Variants in DEAF1 observed in about 807,000 individuals in gnomAD.
DEAF1 encodes DEAF1 transcription factor.
In DEAF1, 53 loss-of-function variants were observed where a neutral mutation model predicts 58.9. The observed-to-expected ratio is 0.90, with a 90% confidence interval of 0.72 to 1.13. DEAF1 has a LOEUF of 1.13. DEAF1 is among the 50% of genes most tolerant of loss of function. The probability of loss-of-function intolerance (pLI) is 0.00; values close to 1 mark genes in which losing one functional copy is unlikely to be tolerated. For missense variants in DEAF1, 685 were observed against 791.4 expected, an observed-to-expected ratio of 0.87 and a Z score of 1.61; for synonymous variants, 385 against 340.4, an observed-to-expected ratio of 1.13 and a Z score of -1.44.
upstream of DEAF1, chr11:699,930 G>T: frequency 1.8e-6 from 1 of 554,640 alleles, no homozygotes; most frequent in East Asian, 3.1e-5. Context: ...CATGGAGGGG[G>T]GTCCCACAAA....
chr11:681,482 C>T (rs1294048226), intron 6 of DEAF1, among the ~76,000 whole-genome samples: 3 of 151,332 alleles, frequency 2.0e-5, no homozygotes, highest in Non-Finnish European at 4.4e-5. Flanking sequence ...ACAATCTGGG[C>T]TCACTGCAAG....
At chr11:686,707 A>G in intron 5 of DEAF1, 151 bp downstream of exon 5, 1 of 1,006,670 alleles carries the variant, frequency 9.9e-7, no homozygotes, top group Non-Finnish European at 1.5e-6. Context: ...GAGAGGGTAA[A>G]TCACTCGCCC....
At chr11:693,579 G>C (rs913678671) in intron 1 of DEAF1, 1 of 152,350 alleles carries the variant, frequency 6.6e-6, no homozygotes, top group African/African-American at 2.4e-5. Context: ...CTCCTCCCAA[G>C]GGTCTCAACA....
intron 10 of DEAF1, among the ~76,000 whole-genome samples, chr11:672,229 G>A (rs549057764): frequency 2.6e-5 from 4 of 151,952 alleles, no homozygotes; most frequent in Admixed American, 2.0e-4. Flanking sequence ...CCCTAACATC[G>A]AATACGACCT....
Position 644,649 on chromosome 11 carries a change from C to T in DEAF1, c.1599G>A (p.Trp533Ter), listed in dbSNP as rs762781481. ...YCSTFCQRKD[W>*]KDHQHICGQS... Reference sequence around the variant, plus strand: ...GGCCGCATATGTGCTGGTGATCCTTCCAGTCCTGGAAGGGAGGACACACCC... The same window carrying T: ...GGCCGCATATGTGCTGGTGATCCTTTCAGTCCTGGAAGGGAGGACACACCC... Residue 533 changes from tryptophan to a stop codon, truncating the protein, a stop_gained, in exon 12 of 12, where the codon TGG becomes TGA. Coordinates refer to ENST00000382409, the MANE Select transcript of DEAF1 (RefSeq NM_021008.4). LOFTEE classifies it high-confidence loss of function. The surrounding 1 kb of genome is among the most constrained non-coding windows in gnomAD (Gnocchi z 4.3). 6.2e-7 allele frequency: 1 copy of T among 1,609,544 alleles called. No homozygotes were observed. The highest frequency in any genetic ancestry group is 8.5e-7 in the Non-Finnish European group (1 of 1,178,896).
chr11:682,109 CCT>C (rs1416897399), intron 6 of DEAF1, among the ~76,000 whole-genome samples: 1 of 152,168 alleles, frequency 6.6e-6, no homozygotes, highest in African/African-American at 2.4e-5. Flanking sequence ...GGCTGCTGCT[CCT>C]CTGAGGGCTC....
chr11:655,384 C>T (rs958223753), intron 10 of DEAF1, among the ~76,000 whole-genome samples: 3 of 152,254 alleles, frequency 2.0e-5, no homozygotes, highest in Admixed American at 2.0e-4. Flanking sequence ...GCGCATAGGT[C>T]AACATGCTGT....
At chr11:663,563 G>A (rs1256702027) in intron 10 of DEAF1, among the ~76,000 whole-genome samples, 2 of 144,886 alleles carry the variant, frequency 1.4e-5, no homozygotes, top group African/African-American at 2.6e-5. Flanking sequence ...TCCTCAAATC[G>A]CCTCAGCAAC....
chr11:678,625 A>C lies in DEAF1; in HGVS notation c.1255+69T>G. The C allele has an allele frequency of 3.1e-6, 5 of 1,606,006 alleles. No individual in the cohort carries two copies. In the South Asian group the frequency reaches 5.5e-5, roughly 18 times the overall value. The stretch of plus-strand genomic sequence containing the variant: ...AACCAAAATGAATCCCATTTCACTT[A>C]GGAATTCTTTCATTGGAAGCAATTC... On this transcript the variant is annotated intron_variant, in intron 9 of 11. Transcript: ENST00000382409.
In DEAF1 at chr11:674,669, T is replaced by G; in HGVS notation, c.1370A>C (p.Glu457Ala). 9 of 1,614,096 alleles carry G rather than the reference T, an allele frequency of 5.6e-6. No homozygotes were observed. The highest frequency in any genetic ancestry group is 7.6e-6 in the Non-Finnish European group (9 of 1,180,042). The change falls in exon 10 of 12, where the codon GAA becomes GCA. Residue 457 changes from glutamate to alanine, a missense_variant. Coordinates refer to ENST00000382409, the MANE Select transcript of DEAF1 (RefSeq NM_021008.4). The stretch of plus-strand genomic sequence containing the variant: ...GTTGAGCAAGGAGTTGACCATCTCT[T>G]CTAGGTACAGCCAGCTCCGCGGCTC... The part of the protein sequence containing the change: ...LSEPRSWLYL[E>A]EMVNSLLNTA...
At position 688,038 on chromosome 11, in the gene DEAF1, G is replaced by C. The variant is rs1469831381; in HGVS notation, c.537C>G (p.Thr179=). ...CTTTTTCTTGGCCGGGAGCCAGAGGGGTTGGAGGAGACTGAGGACCTTGGG... is the reference window on the plus strand; with the variant it reads ...CTTTTTCTTGGCCGGGAGCCAGAGGCGTTGGAGGAGACTGAGGACCTTGGG... The part of the protein sequence containing the change: ...PLTPGPQSPP[T]PLAPGQEKGG... The change falls in exon 4 of 12, where the codon ACC becomes ACG. Residue 179 remains threonine (T), a synonymous_variant. Transcript: ENST00000382409. This position sits in a 1 kb window ranked among gnomAD's most constrained non-coding sequence, Gnocchi z 4.3. 9.9e-6 allele frequency: 16 copies of C among 1,613,932 alleles called. No homozygotes were observed. Among genetic ancestry groups the C allele is most frequent in the Non-Finnish European group, 1.4e-5 (16 of 1,180,036 alleles).
chr11:647,502 ATAAG>A (rs1459390676), intron 11 of DEAF1, among the ~76,000 whole-genome samples: 1 of 152,136 alleles, frequency 6.6e-6, no homozygotes, highest in African/African-American at 2.4e-5. Context: ...AAAACCAAAA[ATAAG>A]TAATGAAATA....
rs571666582 is a variant in DEAF1, at chr11:703,345, GTGT to G, written c.-438+3224_-438+3226del. Reference sequence around the variant, plus strand: ...GCAGAACAAACTGCTGGAGGCCCTGGTGTTGGGAACAGCTGCGGGGAGGGTAGG... The same window carrying G: ...GCAGAACAAACTGCTGGAGGCCCTGGTGGGAACAGCTGCGGGGAGGGTAGG... On this transcript the variant is annotated intron_variant, in intron 1 of 11. Coordinates refer to the DEAF1 transcript ENST00000683307. 1.4e-4 allele frequency: 195 copies of G among 1,399,426 alleles called. 2 individuals carry two copies. The South Asian group carries it at 3.3e-3, about 23-fold the overall frequency. 86.7% of individuals were successfully genotyped at this position (1,399,426 alleles called of 1,614,324 possible).
chr11:679,392 A>G (rs897070966), intron 8 of DEAF1, among the ~76,000 whole-genome samples: 5 of 152,216 alleles, frequency 3.3e-5, no homozygotes, highest in Admixed American at 2.6e-4. Context: ...ACAACCAGCT[A>G]GGCTGCATTT....
intron 1 of DEAF1, chr11:704,098 T>C (rs903933312): frequency 7.6e-5 from 84 of 1,098,048 alleles, no homozygotes; most frequent in Non-Finnish European, 9.4e-5. Context: ...CACCGCATTT[T>C]GTAAATAAAG....
rs562833483 is a variant in DEAF1 at position 688,640 on chromosome 11, GAAC to G, written c.388-183_388-181del. ...CTCAAAGACTTGAAAACAGAGCCAA[GAAC>G]AAGAACAGACAATGCCGAAGTCTGT... On this transcript the variant is annotated intron_variant, in intron 2 of 11. Transcript: ENST00000382409. The surrounding 1 kb of genome is among the most constrained non-coding windows in gnomAD (Gnocchi z 4.3). Among the ~76,000 whole-genome samples, 1 of 152,114 alleles carries G rather than the reference GAAC, an allele frequency of 6.6e-6. No homozygotes were observed. Among genetic ancestry groups the G allele is most frequent in the Non-Finnish European group, 1.5e-5 (1 of 68,028 alleles).
intron 1 of DEAF1, among the ~76,000 whole-genome samples, chr11:693,013 C>T (rs977360162): frequency 2.6e-5 from 4 of 152,214 alleles, no homozygotes; most frequent in Non-Finnish European, 4.4e-5. Context: ...TGGGAGCAGC[C>T]GCCCAAAGCC....
In DEAF1 at chr11:694,625, A is replaced by C. The variant is rs1259471733; in HGVS notation, c.289+134T>G. ...AGGGGCAGGTGTGCAGGGCGGGTGG[A>C]GCGGGCTGGTCACGTGGAGCAGGTG... is the stretch of plus-strand genomic sequence containing the variant. On this transcript the variant is annotated intron_variant, in intron 1 of 11. Coordinates refer to ENST00000382409, the MANE Select transcript of DEAF1 (RefSeq NM_021008.4). 1.9e-5 allele frequency: 14 copies of C among 753,190 alleles called. No individual in the cohort carries two copies. The African/African-American group carries it at 3.1e-4, about 16-fold the overall frequency. 46.7% of individuals were successfully genotyped at this position (753,190 alleles called of 1,614,324 possible). A position where few individuals can be genotyped will look rare whatever the true frequency, so the allele number is the denominator to read the frequency against.
intron 9 of DEAF1, among the ~76,000 whole-genome samples, chr11:675,923 A>ACCCCCCAGCACCTGACAT (rs1860031649): frequency 1.4e-5 from 1 of 71,324 alleles, no homozygotes. Flanking sequence ...AGCACCTGAC[A>ACCCCCCAGCACCTGACAT]CCCCCCAGCA....
Sources: gnomAD v4.1 joint callset for allele counts (sites outside exome capture counted in the v4.1 genomes callset) on GRCh38, gnomAD v4.1.1 for gene constraint, Gnocchi (gnomAD v3.1) non-coding constraint, MANE v1.5 for transcripts, NCBI Gene and HGNC (gene_info 2026-07-23, HGNC 2026-07-21) for gene names.